The following MSH6 variants were observed in gnomAD, a reference collection of about 807,000 sequenced individuals.
The protein encoded by MSH6 is mutS homolog 6.
In MSH6, 85 loss-of-function variants were observed where a neutral mutation model predicts 119.1. The ratio of observed to expected loss-of-function variants is 0.71; its 90% confidence interval spans 0.60 to 0.85. The LOEUF (loss-of-function observed/expected upper bound fraction) is 0.85, where lower values mean the gene tolerates loss of function less well. Among genes scored for constraint, MSH6 ranks in the 40% least tolerant of loss-of-function variants. MSH6 has a pLI of 0.00. For synonymous variants in MSH6, 830 were observed against 586.9 expected (o/e 1.41, Z -5.99); for missense variants, 2,163 against 1,655.3 (o/e 1.31, Z -5.32).
At chr2:47,793,022 C>T (rs996737947) in intron 2 of MSH6, among the ~76,000 whole-genome samples, 9 of 151,490 alleles carry the variant, frequency 5.9e-5, no homozygotes, top group Admixed American at 1.3e-4. Context: ...GAATGAATCT[C>T]ATTGGGGTTG....
downstream of MSH6, chr2:47,809,443 TCCAA>T (rs914158086): frequency 2.9e-6 from 2 of 692,200 alleles, no homozygotes; most frequent in African/African-American, 3.6e-5. Flanking sequence ...TATAAGATAC[TCCAA>T]CCATTTAGAA....
chr2:47,785,507 C>T (rs1036264710), intron 1 of MSH6, among the ~76,000 whole-genome samples: 1 of 152,166 alleles, frequency 6.6e-6, no homozygotes, highest in African/African-American at 2.4e-5. Context: ...TGTGAGCCAC[C>T]GTGCCCGGCC....
In MSH6 at chr2:47,800,395, A is replaced by G. The variant is rs201460265; in HGVS notation, c.2412A>G (p.Lys804=). 2 of 1,614,074 alleles carry G rather than the reference A, an allele frequency of 1.2e-6. No homozygotes were observed. Among genetic ancestry groups the G allele is most frequent in the Admixed American group, 3.3e-5 (2 of 60,014 alleles). The change falls in exon 4 of 10, where the codon AAA becomes AAG. Residue 804 remains lysine, a synonymous_variant. Transcript: ENST00000234420. ...AIEDLMVVPD[K]ISEVVELLKK... Reference sequence around the variant, plus strand: ...AAGACCTCATGGTTGTGCCTGACAAAATCTCCGAAGTTGTAGAGCTTCTAA... The same window carrying G: ...AAGACCTCATGGTTGTGCCTGACAAGATCTCCGAAGTTGTAGAGCTTCTAA...
rs1064794302 is a variant in MSH6 at position 47,801,123 on chromosome 2, G to A, written c.3140G>A (p.Trp1047Ter). ...FYNFDKNYKD[W>*]QSAVECIAVL... ...AACTTTGATAAAAATTACAAGGACTGGCAGTCTGCTGTAGAGTGTATCGCA... is the reference window on the plus strand; with the variant it reads ...AACTTTGATAAAAATTACAAGGACTAGCAGTCTGCTGTAGAGTGTATCGCA... Residue 1047 changes from tryptophan (W) to a stop codon, truncating the protein, a stop_gained, in exon 4 of 10, where the codon TGG (tryptophan) becomes TAG (stop). Transcript: ENST00000234420. LOFTEE classifies it high-confidence loss of function. The A allele has an allele frequency of 6.2e-7, 1 of 1,612,324 alleles. No homozygotes were observed. The highest frequency in any genetic ancestry group is 8.5e-7 in the Non-Finnish European group (1 of 1,179,958).
At chr2:47,791,715 G>T (rs1232012062) in intron 2 of MSH6, among the ~76,000 whole-genome samples, 1 of 130,718 alleles carries the variant, frequency 7.7e-6, no homozygotes, top group African/African-American at 2.9e-5. Flanking sequence ...GTCTCACTCT[G>T]TTGCCTAGGC....
chr2:47,806,732 C>T lies in MSH6; in HGVS notation c.4002-47C>T, dbSNP rs779807340. ...CAGTAAAAGGGGAAGGGATGATGCA[C>T]TATGAAAAAACAAAAAAACTTTTTT... On this transcript the variant is annotated intron_variant, in intron 9 of 9. Coordinates refer to ENST00000234420, the MANE Select transcript of MSH6 (RefSeq NM_000179.3). The T allele has an allele frequency of 5.9e-6, 9 of 1,527,210 alleles. No individual in the cohort carries two copies. The highest frequency in any genetic ancestry group is 8.0e-6 in the Non-Finnish European group (9 of 1,121,412). The allele number at this position is 1,527,210 out of a possible 1,614,324, so 94.6% of individuals were successfully genotyped here.
At position 47,788,987 on chromosome 2, in the gene MSH6, G is replaced by A. The variant is rs3136264; in HGVS notation, c.261-1940G>A. The stretch of plus-strand genomic sequence containing the variant: ...GTCGTCCAGGCTGGAATGCAGTGGC[G>A]TTTTCTTGGCTCACTGCAACCTCTG... On this transcript the variant is annotated intron_variant, in intron 1 of 9. Transcript: ENST00000234420. Among the ~76,000 whole-genome samples, 239 of 122,846 alleles carry A rather than the reference G, an allele frequency of 1.9e-3. 4 individuals are homozygous for A. The East Asian group carries it at 0.063, about 33-fold the overall frequency. The allele number at this position is 122,846 out of a possible 152,430, so 80.6% of individuals were successfully genotyped here. A position where few individuals can be genotyped will look rare whatever the true frequency, so the allele number is the denominator to read the frequency against.
downstream of MSH6, chr2:47,806,968 T>C: frequency 1.1e-6 from 1 of 882,076 alleles, no homozygotes; most frequent in Admixed American, 2.0e-5. Context: ...TTTTCCATTT[T>C]CTTTCTAGGA....
chr2:47,804,879 C>CT (rs765292337), intron 5 of MSH6, 31 bp from the exon 6 acceptor site: 1 of 1,526,280 alleles, frequency 6.6e-7, no homozygotes, highest in South Asian at 1.1e-5. Flanking sequence ...TACTACCAGT[C>CT]ATAAAAGACC....
intron 1 of MSH6, among the ~76,000 whole-genome samples, chr2:47,785,722 C>T (rs1402310481): frequency 6.6e-6 from 1 of 152,160 alleles, no homozygotes; most frequent in Non-Finnish European, 1.5e-5. Context: ...TAACAAACTC[C>T]TGGTTAGAAA....
chr2:47,804,915 C>T lies in MSH6; in HGVS notation c.3444C>T (p.Gly1148=), dbSNP rs1572738334. 6.2e-7 allele frequency: 1 copy of T among 1,613,436 alleles called. No individual in the cohort carries two copies. Among genetic ancestry groups the T allele is most frequent in the Non-Finnish European group, 8.5e-7 (1 of 1,179,382 alleles). ...GGKSTLMRQA[G]LLAVMAQMGC... is the part of the protein sequence containing the mutation. ...TTTTCCTCCCTCATTCACAGGCTGG[C>T]TTATTAGCTGTAATGGCCCAGATGG... Residue 1148 remains glycine, a synonymous_variant, in exon 6 of 10, where the codon GGC becomes GGT. Transcript: ENST00000234420.
intron 1 of MSH6, 128 bp downstream of exon 1, chr2:47,783,621 C>A: frequency 9.9e-7 from 1 of 1,007,592 alleles, no homozygotes; most frequent in Non-Finnish European, 1.4e-6. Context: ...GGAGGCGGGG[C>A]CGCAGAGTTG....
Position 47,804,985 on chromosome 2 carries a change from A to AC in MSH6, c.3514_3515insC (p.Arg1172ThrfsTer5). On this transcript the variant is annotated frameshift_variant, in exon 6 of 10. Transcript: ENST00000234420. LOFTEE classifies it high-confidence loss of function. Reference sequence around the variant, plus strand: ...AGTGTGCAGGCTCACACCAATTGATAGAGTGTTTACTAGACTTGGTGCCTC... The same window carrying AC: ...AGTGTGCAGGCTCACACCAATTGATACGAGTGTTTACTAGACTTGGTGCCTC... 1 of 1,614,036 alleles carries AC rather than the reference A, an allele frequency of 6.2e-7. No individual in the cohort carries two copies.
At chr2:47,808,522 G>C, downstream of MSH6, 1 of 1,154,992 alleles carries the variant, frequency 8.7e-7, no homozygotes, top group African/African-American at 1.6e-5. Flanking sequence ...TTGGCTTTAA[G>C]AGGACCAAAA....
chr2:47,790,710 CTA>C (rs1158991760), intron 1 of MSH6, among the ~76,000 whole-genome samples: 15 of 152,012 alleles, frequency 9.9e-5, no homozygotes, highest in African/African-American at 3.6e-4. Flanking sequence ...AATAACATAA[CTA>C]TATTTGTGTT....
intron 2 of MSH6, among the ~76,000 whole-genome samples, chr2:47,794,064 G>A (rs1390558546): frequency 6.4e-3 from 1 of 156 alleles, no homozygotes; most frequent in Non-Finnish European, 0.018. Context: ...GTAAGGCCAG[G>A]CAGTGGTGGC....
Position 47,803,602 on chromosome 2 carries a change from G to A in MSH6, c.3355G>A (p.Glu1119Lys), listed in dbSNP as rs267608084. The A allele has an allele frequency of 6.2e-7, 1 of 1,614,182 alleles. No individual in the cohort carries two copies. The change falls in exon 5 of 10, where the codon GAA becomes AAA. Residue 1119 changes from glutamate (E) to lysine (K), a missense_variant. Transcript: ENST00000234420. ...IPNDILIGCE[E>K]EEQENGKAYC... Reference sequence around the variant, plus strand: ...TAATGACATTCTAATAGGCTGTGAGGAAGAGGAGCAGGAAAATGGCAAAGC... The same window carrying A: ...TAATGACATTCTAATAGGCTGTGAGAAAGAGGAGCAGGAAAATGGCAAAGC...
chr2:47,804,497 CT>C (rs1480177881), intron 5 of MSH6, among the ~76,000 whole-genome samples: 1 of 149,696 alleles, frequency 6.7e-6, no homozygotes, highest in Non-Finnish European at 1.5e-5. Context: ...CAAACTTTTT[CT>C]TTAAATCAGA....
chr2:47,794,888 G>T (rs3136307), intron 2 of MSH6, among the ~76,000 whole-genome samples: 2 of 151,810 alleles, frequency 1.3e-5, no homozygotes, highest in East Asian at 3.9e-4. Context: ...TCTGCCTCCC[G>T]GGTTCAAGTG....
Sources: gnomAD v4.1 joint callset for allele counts (sites outside exome capture counted in the v4.1 genomes callset) on GRCh38, gnomAD v4.1.1 for gene constraint, MANE v1.5 for transcripts, NCBI Gene and HGNC (gene_info 2026-07-23, HGNC 2026-07-21) for gene names.